STXBP5L: variants seen among roughly 807,000 people sequenced by gnomAD.
STXBP5L encodes the protein syntaxin binding protein 5L.
A neutral mutation model predicts 144.5 loss-of-function variants in STXBP5L; 65 were observed. That is an observed-to-expected ratio of 0.45 (90% confidence interval 0.37 to 0.55). The LOEUF is 0.55. Ranked by LOEUF, STXBP5L falls within the 20% of genes least tolerant of loss-of-function variation. STXBP5L has a pLI of 0.00. For missense variants in STXBP5L, 1,298 were observed against 1,405.5 expected (o/e 0.92, Z 1.22); for synonymous variants, 505 against 469.6 (o/e 1.08, Z -0.97).
chr3:121,086,604 C>A (rs1344203464), intron 5 of STXBP5L, among the ~76,000 whole-genome samples: 1 of 152,002 alleles, frequency 6.6e-6, no homozygotes, highest in African/African-American at 2.4e-5. Context: ...ATGTTTGAGA[C>A]CAGAAGTGTT....
At chr3:121,166,589 T>C (rs2046508205) in intron 9 of STXBP5L, among the ~76,000 whole-genome samples, 1 of 152,234 alleles carries the variant, frequency 6.6e-6, no homozygotes, top group African/African-American at 2.4e-5. Flanking sequence ...ATGTCTTCTA[T>C]ATTCTGGGTC....
At position 121,041,758 on chromosome 3, in the gene STXBP5L, C is replaced by G; in HGVS notation, c.346C>G (p.Gln116Glu). 2 of 1,612,614 alleles carry G rather than the reference C, an allele frequency of 1.2e-6. No individual in the cohort carries two copies. The highest frequency in any genetic ancestry group is 8.5e-7 in the Non-Finnish European group (1 of 1,179,048). ...ACATGAAAGTGGTGCAGCTGTCCTA[C>G]AGCTCCAATTTTTGATCAATGAGGT... ...CQHESGAAVL[Q>E]LQFLINEGAL... Residue 116 changes from glutamine to glutamate, a missense_variant, in exon 4 of 27, where the codon CAG becomes GAG. Physicochemically the swap from Gln to Glu is conservative, Grantham distance 29. Coordinates refer to ENST00000471454, the MANE Select transcript of STXBP5L (RefSeq NM_001308330.2).
intron 9 of STXBP5L, among the ~76,000 whole-genome samples, chr3:121,185,033 C>A (rs906169007): frequency 6.6e-6 from 1 of 152,182 alleles, no homozygotes; most frequent in African/African-American, 2.4e-5. Context: ...ACCACCAGGC[C>A]TGCTTTACAA....
intron 3 of STXBP5L, among the ~76,000 whole-genome samples, chr3:120,969,373 C>G (rs1302892791): frequency 7.0e-6 from 1 of 143,204 alleles, no homozygotes; most frequent in African/African-American, 2.6e-5. Context: ...GTCCTTTGCT[C>G]ATTTTTCGAT....
chr3:121,073,620 G>T lies in STXBP5L; in HGVS notation c.470+28085G>T, dbSNP rs149935371. Among the ~76,000 whole-genome samples the T allele has an allele frequency of 6.0e-3, 918 of 152,262 alleles. 4 individuals are homozygous for T. The highest frequency in any genetic ancestry group is 0.024 in the Middle Eastern group (7 of 294). On this transcript the variant is annotated intron_variant, in intron 5 of 26. Coordinates refer to ENST00000471454, the MANE Select transcript of STXBP5L (RefSeq NM_001308330.2). The stretch of plus-strand genomic sequence containing the variant: ...AGGTAAAAAGGCTTTGTCATGTCTG[G>T]CAGTCCTAATGCTGGGGCCTGGATC...
chr3:121,021,531 C>T (rs1945553736), intron 3 of STXBP5L, among the ~76,000 whole-genome samples: 1 of 152,122 alleles, frequency 6.6e-6, no homozygotes, highest in Non-Finnish European at 1.5e-5. Flanking sequence ...AAACAAGTCT[C>T]AACAAATTTA....
intron 9 of STXBP5L, among the ~76,000 whole-genome samples, chr3:121,171,177 T>C (rs901359101): frequency 1.3e-5 from 2 of 152,168 alleles, no homozygotes; most frequent in Non-Finnish European, 2.9e-5. Context: ...TGCTAAAAAC[T>C]CTCAATAAAC....
At chr3:120,912,459 A>G (rs2107551476) in intron 2 of STXBP5L, among the ~76,000 whole-genome samples, 1 of 152,056 alleles carries the variant, frequency 6.6e-6, no homozygotes, top group South Asian at 2.1e-4. Context: ...AAAACTTTTT[A>G]TATTTGTTTT....
At chr3:121,114,054 C>T (rs1296602111) in intron 5 of STXBP5L, among the ~76,000 whole-genome samples, 1 of 152,062 alleles carries the variant, frequency 6.6e-6, no homozygotes, top group East Asian at 1.9e-4. Flanking sequence ...ATTTATTGGT[C>T]TGTCTGACAA....
At chr3:120,910,332 G>T (rs952617631) in intron 2 of STXBP5L, among the ~76,000 whole-genome samples, 7 of 152,164 alleles carry the variant, frequency 4.6e-5, no homozygotes, top group African/African-American at 1.7e-4. Context: ...GGGTGTTCTG[G>T]TTTAGTAAGA....
intron 5 of STXBP5L, among the ~76,000 whole-genome samples, chr3:121,097,031 A>C (rs781347822): frequency 2.0e-5 from 3 of 151,976 alleles, no homozygotes; most frequent in Non-Finnish European, 4.4e-5. Flanking sequence ...TTTTTTTCAG[A>C]GATGCCCTGC....
At chr3:121,040,773 G>T (rs1241328103) in intron 3 of STXBP5L, among the ~76,000 whole-genome samples, 2 of 152,008 alleles carry the variant, frequency 1.3e-5, no homozygotes, top group East Asian at 1.9e-4. Flanking sequence ...GTAAACTGGG[G>T]CTATCATAAG....
chr3:121,156,659 T>C (rs2046122850), intron 8 of STXBP5L, among the ~76,000 whole-genome samples: 1 of 151,970 alleles, frequency 6.6e-6, no homozygotes, highest in African/African-American at 2.4e-5. Flanking sequence ...CAGCCCTCCG[T>C]ATCCATAAAT....
chr3:120,967,348 T>C (rs1939714029), intron 3 of STXBP5L, among the ~76,000 whole-genome samples: 1 of 152,090 alleles, frequency 6.6e-6, no homozygotes, highest in Non-Finnish European at 1.5e-5. Flanking sequence ...GGTACCTCAG[T>C]TGGAAATGCA....
At chr3:121,285,393 T>C (rs1033556137) in intron 19 of STXBP5L, among the ~76,000 whole-genome samples, 1 of 152,070 alleles carries the variant, frequency 6.6e-6, no homozygotes, top group Non-Finnish European at 1.5e-5. Context: ...GATCTCTAAG[T>C]GTCTTTTTTA....
intron 20 of STXBP5L, among the ~76,000 whole-genome samples, chr3:121,368,407 A>G (rs1412817408): frequency 6.6e-6 from 1 of 150,606 alleles, no homozygotes; most frequent in African/African-American, 2.4e-5. Context: ...ATCTTTCTTT[A>G]GTTCTTTAAG....
intron 4 of STXBP5L, among the ~76,000 whole-genome samples, chr3:121,044,793 A>G (rs1209179993): frequency 6.6e-6 from 1 of 152,170 alleles, no homozygotes; most frequent in Non-Finnish European, 1.5e-5. Context: ...TTGTATGCGA[A>G]ATAGGATTCA....
At chr3:121,361,320 A>G (rs1408067961) in intron 20 of STXBP5L, among the ~76,000 whole-genome samples, 5 of 152,130 alleles carry the variant, frequency 3.3e-5, no homozygotes, top group African/African-American at 1.2e-4. Context: ...TTACTTGAAT[A>G]TTAATATCTT....
intron 11 of STXBP5L, among the ~76,000 whole-genome samples, chr3:121,228,071 C>T (rs1023945911): frequency 2.0e-5 from 3 of 152,196 alleles, no homozygotes; most frequent in African/African-American, 7.2e-5. Context: ...TCAAAAACTA[C>T]TTTCTTTAAT....
Sources: gnomAD v4.1 joint callset for allele counts (sites outside exome capture counted in the v4.1 genomes callset) on GRCh38, gnomAD v4.1.1 for gene constraint, MANE v1.5 for transcripts, NCBI Gene and HGNC (gene_info 2026-07-23, HGNC 2026-07-21) for gene names.